DPYD: variants seen among roughly 807,000 people sequenced by gnomAD.
The protein encoded by DPYD is dihydropyrimidine dehydrogenase.
Under a neutral mutation model 116.2 loss-of-function variants are expected in DPYD, and 109 were observed. The observed-to-expected ratio is 0.94, with a 90% CI of 0.80 to 1.10. DPYD has a LOEUF of 1.10. Among genes scored for constraint, DPYD ranks in the 50% least tolerant of loss-of-function variants. DPYD has a pLI of 0.00. For missense variants in DPYD, 1,302 were observed against 1,254.5 expected (o/e 1.04, Z -0.57); for synonymous variants, 440 against 432.0 (o/e 1.02, Z -0.23).
At position 97,306,394 on chromosome 1, in the gene DPYD, A is replaced by G; in HGVS notation, c.2059-97T>C. ...GCAAAGCTGGAGACGTGCAAGACAAATCCAACTTGACAATGAGCTACATGA... is the reference window on the plus strand; with the variant it reads ...GCAAAGCTGGAGACGTGCAAGACAAGTCCAACTTGACAATGAGCTACATGA... On this transcript the variant is annotated intron_variant, in intron 16 of 22. Coordinates refer to ENST00000370192, the MANE Select transcript of DPYD (RefSeq NM_000110.4). 7 of 1,493,376 alleles carry G rather than the reference A, an allele frequency of 4.7e-6. No individual in the cohort carries two copies. In the South Asian group the frequency reaches 7.9e-5, roughly 17 times the overall value. The allele number at this position is 1,493,376 out of a possible 1,614,324, so 92.5% of individuals were successfully genotyped here.
intron 20 of DPYD, among the ~76,000 whole-genome samples, chr1:97,168,912 T>C (rs893500654): frequency 4.0e-5 from 6 of 151,616 alleles, no homozygotes; most frequent in African/African-American, 1.5e-4. Flanking sequence ...ATTGGCATGA[T>C]CGCAGCTCAC....
chr1:97,489,466 AAAGT>A (rs1349449961), intron 13 of DPYD, among the ~76,000 whole-genome samples: 1 of 152,228 alleles, frequency 6.6e-6, no homozygotes. Flanking sequence ...CAAAGGAATA[AAAGT>A]AATACTGGAA....
intron 16 of DPYD, among the ~76,000 whole-genome samples, chr1:97,320,320 T>G (rs1391581083): frequency 8.3e-6 from 1 of 120,770 alleles, no homozygotes; most frequent in Non-Finnish European, 1.8e-5. Flanking sequence ...ACATGATTGT[T>G]TATCTAGAAA....
At chr1:97,587,688 A>C (rs1307177999) in intron 10 of DPYD, among the ~76,000 whole-genome samples, 3 of 151,784 alleles carry the variant, frequency 2.0e-5, no homozygotes, top group Admixed American at 6.6e-5. Flanking sequence ...TTAGACGGGC[A>C]TGGTGGTGGG....
intron 2 of DPYD, among the ~76,000 whole-genome samples, chr1:97,844,292 CGTAA>C (rs1670182402): frequency 6.6e-6 from 1 of 152,122 alleles, no homozygotes; most frequent in Non-Finnish European, 1.5e-5. Context: ...TCTCAGAAGT[CGTAA>C]GTGTCTTTTT....
rs1213885005 is a variant in DPYD at position 97,920,867 on chromosome 1, C to T, written c.39+17G>A. On this transcript the variant is annotated intron_variant, in intron 1 of 22. Transcript: ENST00000370192. The stretch of plus-strand genomic sequence containing the variant: ...CACCACCCCGCCACCACCGACGAGC[C>T]GGCGCGAAGTCCGTACCTCGATGTC... 2 of 1,588,520 alleles carry T rather than the reference C, an allele frequency of 1.3e-6. No homozygotes were observed. Among genetic ancestry groups the T allele is most frequent in the Non-Finnish European group, 1.7e-6 (2 of 1,168,058 alleles).
At chr1:97,160,708 G>A (rs1404542795) in intron 20 of DPYD, among the ~76,000 whole-genome samples, 1 of 152,100 alleles carries the variant, frequency 6.6e-6, no homozygotes, top group Non-Finnish European at 1.5e-5. Context: ...ACTAGTCAGT[G>A]GGGAGCAGAA....
chr1:97,290,745 C>T (rs1309791569), intron 18 of DPYD, among the ~76,000 whole-genome samples: 1 of 151,760 alleles, frequency 6.6e-6, no homozygotes, highest in Non-Finnish European at 1.5e-5. Flanking sequence ...AGAACAAAAC[C>T]TAGGCATTAC....
intron 14 of DPYD, among the ~76,000 whole-genome samples, chr1:97,433,686 C>T (rs1675306084): frequency 1.3e-5 from 2 of 152,114 alleles, no homozygotes; most frequent in South Asian, 2.1e-4. Context: ...ATTATCCTAG[C>T]AGTCTGAGTT....
At chr1:97,434,534 G>T (rs1186513904) in intron 14 of DPYD, among the ~76,000 whole-genome samples, 1 of 151,956 alleles carries the variant, frequency 6.6e-6, no homozygotes, top group Non-Finnish European at 1.5e-5. Flanking sequence ...ATCCAGTCTT[G>T]ATTAGTTAGG....
chr1:97,760,408 A>C lies in DPYD; in HGVS notation c.234-19929T>G, dbSNP rs74108309. On this transcript the variant is annotated intron_variant, in intron 3 of 22. Coordinates refer to ENST00000370192, the MANE Select transcript of DPYD (RefSeq NM_000110.4). ...AAACTGTAAAGCAAAATATTCAAAAATAAATTTCAAAAAATAAAAAATAGC... is the reference window on the plus strand; with the variant it reads ...AAACTGTAAAGCAAAATATTCAAAACTAAATTTCAAAAAATAAAAAATAGC... Among the ~76,000 whole-genome samples the C allele has an allele frequency of 2.2e-3, 328 of 152,268 alleles. 1 individual carries two copies. Among genetic ancestry groups the C allele is most frequent in the African/African-American group, 7.7e-3 (321 of 41,528 alleles).
At chr1:97,300,422 C>T (rs567461336) in intron 18 of DPYD, among the ~76,000 whole-genome samples, 6 of 151,792 alleles carry the variant, frequency 4.0e-5, no homozygotes, top group Non-Finnish European at 5.9e-5. Context: ...ATTTATGCAT[C>T]GATAATCATG....
intron 3 of DPYD, among the ~76,000 whole-genome samples, chr1:97,751,777 T>TC (rs1441695673): frequency 3.3e-5 from 5 of 149,930 alleles, no homozygotes; most frequent in African/African-American, 1.2e-4. Context: ...AAACGATTTT[T>TC]TTTTTTTGAG....
At chr1:97,852,542 C>G (rs1390869746) in intron 2 of DPYD, among the ~76,000 whole-genome samples, 1 of 152,046 alleles carries the variant, frequency 6.6e-6, no homozygotes, top group African/African-American at 2.4e-5. Flanking sequence ...ATGATGTTAT[C>G]CAAATTGTAC....
chr1:97,384,762 T>A (rs989251202), intron 14 of DPYD, among the ~76,000 whole-genome samples: 1 of 152,034 alleles, frequency 6.6e-6, no homozygotes, highest in Non-Finnish European at 1.5e-5. Flanking sequence ...GATCTGAGAC[T>A]CTGAATCAAA....
intron 8 of DPYD, among the ~76,000 whole-genome samples, chr1:97,603,836 A>G (rs960276463): frequency 2.0e-5 from 3 of 152,166 alleles, no homozygotes; most frequent in Non-Finnish European, 4.4e-5. Context: ...ATAATTGTTA[A>G]CATATCATGC....
At chr1:97,288,771 A>G (rs896698060) in intron 18 of DPYD, among the ~76,000 whole-genome samples, 1 of 150,936 alleles carries the variant, frequency 6.6e-6, no homozygotes, top group African/African-American at 2.4e-5. Flanking sequence ...ATCACAACTA[A>G]AAGAACTAGA....
chr1:97,911,464 T>C (rs1221543971), intron 1 of DPYD, among the ~76,000 whole-genome samples: 2 of 152,068 alleles, frequency 1.3e-5, no homozygotes, highest in African/African-American at 2.4e-5. Context: ...TCAAGAGTCA[T>C]TTTGGTTGGC....
chr1:97,206,151 G>A (rs1181231572), intron 19 of DPYD, among the ~76,000 whole-genome samples: 1 of 151,790 alleles, frequency 6.6e-6, no homozygotes, highest in Non-Finnish European at 1.5e-5. Context: ...ACTCCTCCAA[G>A]GGTCTTTCAG....
Sources: gnomAD v4.1 joint callset for allele counts (sites outside exome capture counted in the v4.1 genomes callset) on GRCh38, gnomAD v4.1.1 for gene constraint, MANE v1.5 for transcripts, NCBI Gene and HGNC (gene_info 2026-07-23, HGNC 2026-07-21) for gene names.